Variants in DTNA observed in about 807,000 individuals in gnomAD.
DTNA encodes the protein dystrobrevin alpha, also known as dystrophin-related protein 3.
In DTNA, 43 loss-of-function variants were observed where a neutral mutation model predicts 100.7. The observed-to-expected ratio is 0.43, with a 90% confidence interval of 0.33 to 0.55. The LOEUF is 0.55. Ranked by LOEUF, DTNA falls within the 20% of genes least tolerant of loss-of-function variation. The pLI is 0.04. For synonymous variants in DTNA, 349 were observed against 347.9 expected (o/e 1.00, Z -0.04); for missense variants, 798 against 953.9 (o/e 0.84, Z 2.15).
At chr18:34,677,766 A>G (rs898149888) in intron 1 of DTNA, among the ~76,000 whole-genome samples, 2 of 152,188 alleles carry the variant, frequency 1.3e-5, no homozygotes, top group Non-Finnish European at 2.9e-5. Flanking sequence ...AATTCAAAGA[A>G]TGTCAAACAG....
intron 3 of DTNA, among the ~76,000 whole-genome samples, chr18:34,771,667 A>C (rs1305821154): frequency 1.3e-5 from 2 of 152,210 alleles, no homozygotes; most frequent in African/African-American, 2.4e-5. Flanking sequence ...GTTTCTAAAA[A>C]ATTAGGGGAC....
intron 2 of DTNA, among the ~76,000 whole-genome samples, chr18:34,760,635 G>T (rs971853720): frequency 1.3e-5 from 2 of 152,158 alleles, no homozygotes; most frequent in African/African-American, 4.8e-5. Context: ...TGCCAAGGCG[G>T]CTGCCTTCTA....
chr18:34,541,028 A>G (rs1282158401), intron 1 of DTNA, among the ~76,000 whole-genome samples: 1 of 152,030 alleles, frequency 6.6e-6, no homozygotes, highest in Non-Finnish European at 1.5e-5. Flanking sequence ...TAACATTTTT[A>G]TGGGTTGTAA....
At chr18:34,701,396 C>T (rs2081347999) in intron 1 of DTNA, among the ~76,000 whole-genome samples, 1 of 152,144 alleles carries the variant, frequency 6.6e-6, no homozygotes, top group Non-Finnish European at 1.5e-5. Flanking sequence ...GAAAAATTCC[C>T]TTGTTTTCAA....
At chr18:34,620,306 T>C (rs2056220109) in intron 1 of DTNA, among the ~76,000 whole-genome samples, 1 of 152,198 alleles carries the variant, frequency 6.6e-6, no homozygotes, top group East Asian at 1.9e-4. Context: ...TTGAAGAACG[T>C]TTTTTAAATG....
intron 4 of DTNA, among the ~76,000 whole-genome samples, chr18:34,798,701 G>GAAA (rs1467791574): frequency 6.6e-6 from 1 of 152,148 alleles, no homozygotes; most frequent in Non-Finnish European, 1.5e-5. Flanking sequence ...AAGGAACAGT[G>GAAA]ATTTTCCTAT....
In DTNA at chr18:34,891,520, T is replaced by A. The variant is rs2096964382; in HGVS notation, c.*3786T>A. On this transcript the variant is annotated 3_prime_UTR_variant, in exon 23 of 23. Coordinates refer to ENST00000444659, the MANE Select transcript of DTNA (RefSeq NM_001386795.1). Reference sequence around the variant, plus strand: ...TTTAAAGCAGGACCCATTGATGGAATATTGAGCCACCGAGGCAAAATAGCT... The same window carrying A: ...TTTAAAGCAGGACCCATTGATGGAAAATTGAGCCACCGAGGCAAAATAGCT... 2 of 152,242 alleles carry A rather than the reference T, an allele frequency of 1.3e-5. No homozygotes were observed. Among genetic ancestry groups the A allele is most frequent in the South Asian group, 4.1e-4 (2 of 4,832 alleles). 9.4% of individuals were successfully genotyped at this position (152,242 alleles called of 1,614,324 possible).
intron 1 of DTNA, among the ~76,000 whole-genome samples, chr18:34,614,469 A>G (rs1395609928): frequency 2.0e-5 from 3 of 152,212 alleles, no homozygotes; most frequent in Non-Finnish European, 2.9e-5. Context: ...AAGTAAATCA[A>G]AAAGCTTCTG....
chr18:34,738,136 A>G (rs937825782), intron 1 of DTNA, among the ~76,000 whole-genome samples: 1 of 152,182 alleles, frequency 6.6e-6, no homozygotes, highest in Non-Finnish European at 1.5e-5. Flanking sequence ...TGAGGCACAT[A>G]TGAGTGAACA....
At chr18:34,568,139 G>C (rs1254822229) in intron 1 of DTNA, among the ~76,000 whole-genome samples, 2 of 152,046 alleles carry the variant, frequency 1.3e-5, no homozygotes, top group Non-Finnish European at 2.9e-5. Context: ...ACTAGATGAA[G>C]GGTAATTTTA....
intron 10 of DTNA, among the ~76,000 whole-genome samples, chr18:34,828,494 A>C (rs1755751815): frequency 6.6e-6 from 1 of 152,218 alleles, no homozygotes; most frequent in African/African-American, 2.4e-5. Context: ...CACAAAATGC[A>C]CATAATTCAT....
intron 1 of DTNA, among the ~76,000 whole-genome samples, chr18:34,546,067 G>A (rs1450544060): frequency 6.6e-6 from 1 of 152,032 alleles, no homozygotes; most frequent in Admixed American, 6.6e-5. Flanking sequence ...ACAATTTCCT[G>A]TAAATTGGTA....
chr18:34,700,012 G>C (rs2081149704), intron 1 of DTNA, among the ~76,000 whole-genome samples: 1 of 152,144 alleles, frequency 6.6e-6, no homozygotes, highest in Non-Finnish European at 1.5e-5. Context: ...TAATAGTTAA[G>C]GAGATTCTAT....
At chr18:34,616,978 C>A (rs1010464557) in intron 1 of DTNA, among the ~76,000 whole-genome samples, 7 of 151,998 alleles carry the variant, frequency 4.6e-5, no homozygotes, top group African/African-American at 1.7e-4. Context: ...GATTTTGTGC[C>A]CAGAAAGTTT....
intron 1 of DTNA, among the ~76,000 whole-genome samples, chr18:34,498,313 G>T (rs541149034): frequency 1.3e-5 from 2 of 151,878 alleles, no homozygotes; most frequent in Non-Finnish European, 2.9e-5. Flanking sequence ...GGGACCTGTA[G>T]TCCCAACTAC....
intron 9 of DTNA, among the ~76,000 whole-genome samples, chr18:34,823,218 A>G (rs993551290): frequency 6.6e-6 from 1 of 152,256 alleles, no homozygotes; most frequent in Non-Finnish European, 1.5e-5. Flanking sequence ...AAATGAAAAA[A>G]TAAATGGTAT....
chr18:34,530,542 C>T (rs1465657140), intron 1 of DTNA, among the ~76,000 whole-genome samples: 1 of 152,072 alleles, frequency 6.6e-6, no homozygotes, highest in Admixed American at 6.6e-5. Context: ...CCTCGTTTCT[C>T]CTTTCTATCA....
intron 3 of DTNA, among the ~76,000 whole-genome samples, chr18:34,775,767 G>C (rs978961003): frequency 6.6e-6 from 1 of 152,208 alleles, no homozygotes; most frequent in African/African-American, 2.4e-5. Context: ...ATAAAACTGA[G>C]TTCAGCCAAC....
chr18:34,725,398 A>G (rs1433712247), intron 1 of DTNA, among the ~76,000 whole-genome samples: 1 of 147,504 alleles, frequency 6.8e-6, no homozygotes, highest in Non-Finnish European at 1.5e-5. Flanking sequence ...ACAAATTTAC[A>G]AGAAAAAAAA....
Sources: allele counts gnomAD v4.1 joint callset (sites outside exome capture counted in the v4.1 genomes callset), GRCh38; gene constraint gnomAD v4.1.1; transcripts MANE v1.5; gene names NCBI Gene and HGNC (gene_info 2026-07-23, HGNC 2026-07-21).